Variants in ERN1 observed in about 807,000 individuals in gnomAD.
The protein encoded by ERN1 is endoplasmic reticulum to nucleus signaling 1.
Under a neutral mutation model 113.1 loss-of-function variants are expected in ERN1, and 39 were observed. The observed-to-expected ratio is 0.34, with a 90% CI of 0.27 to 0.45. The LOEUF (loss-of-function observed/expected upper bound fraction) is 0.45. Among genes scored for constraint, ERN1 ranks in the 20% least tolerant of loss-of-function variants. The pLI is 1.00. For synonymous variants in ERN1, 507 were observed against 515.9 expected (o/e 0.98, Z 0.23); for missense variants, 976 against 1,274.8 (o/e 0.77, Z 3.57).
intron 4 of ERN1, among the ~76,000 whole-genome samples, chr17:64,077,936 G>A (rs934544501): frequency 1.2e-4 from 19 of 152,038 alleles, no homozygotes; most frequent in African/African-American, 3.1e-4. Context: ...TAGTAGAGAC[G>A]GGGTTTCACC....
Position 64,066,910 on chromosome 17 carries a change from A to G in ERN1, c.603T>C (p.Asn201=), listed in dbSNP as rs1232406950. The G allele has an allele frequency of 3.1e-6, 5 of 1,613,890 alleles. No homozygotes were observed. The highest frequency in any genetic ancestry group is 4.2e-6 in the Non-Finnish European group (5 of 1,179,868). The stretch of plus-strand genomic sequence containing the variant: ...CCACAGTCACCACCAGCCCATCACC[A>G]TTGGACACAAAGTGGGACATCTCTG... ...VDYKMSHFVS[N]GDGLVVTVDS... The change falls in exon 8 of 22, where the codon AAT becomes AAC. Residue 201 remains asparagine, a synonymous_variant. Transcript: ENST00000433197.
chr17:64,084,653 A>AT (rs1343567411), intron 2 of ERN1, among the ~76,000 whole-genome samples: 1 of 152,226 alleles, frequency 6.6e-6, no homozygotes, highest in Admixed American at 6.5e-5. Flanking sequence ...CATAAATCAG[A>AT]TTAAGCTTCT....
At chr17:64,064,196 C>A (rs1322793507) in intron 9 of ERN1, 45 bp from the exon 10 acceptor site, 3 of 1,531,088 alleles carry the variant, frequency 2.0e-6, no homozygotes, top group South Asian at 2.4e-5. Context: ...GGAGGGAGAG[C>A]GGGTCCCACG....
At chr17:64,102,985 GT>G (rs1914427365) in intron 1 of ERN1, 1 of 983,982 alleles carries the variant, frequency 1.0e-6, no homozygotes. Context: ...GGTGGGAAGG[GT>G]AGTGGCAGGC....
In ERN1 at chr17:64,057,866, G is replaced by C. The variant is rs1425097097; in HGVS notation, c.1334C>G (p.Ala445Gly). 1 of 1,613,970 alleles carries C rather than the reference G, an allele frequency of 6.2e-7. No homozygotes were observed. Among genetic ancestry groups the C allele is most frequent in the Non-Finnish European group, 8.5e-7 (1 of 1,179,876 alleles). ...APVDSMLKDM[A>G]TIILSTFLLI... The stretch of plus-strand genomic sequence containing the variant: ...CAGGAAGGTGCTCAGGATGATGGTA[G>C]CCATGTCCTTAAGCATGGAGTCCAC... Residue 445 changes from alanine (A) to glycine (G), a missense_variant, in exon 12 of 22, where the codon GCT (alanine) becomes GGT (glycine). This residue lies in a region of ERN1 where 459 missense variants were observed against 581.2 expected (regional missense o/e 0.79). Coordinates refer to ENST00000433197, the MANE Select transcript of ERN1 (RefSeq NM_001433.5).
chr17:64,120,950 C>T (rs1230286312), intron 1 of ERN1, among the ~76,000 whole-genome samples: 1 of 152,126 alleles, frequency 6.6e-6, no homozygotes, highest in East Asian at 1.9e-4. Context: ...GCTGAGTGCC[C>T]CCTACAGTGG....
In ERN1 at chr17:64,054,496, G is replaced by T; in HGVS notation, c.1764-57C>A. 1 of 1,486,144 alleles carries T rather than the reference G, an allele frequency of 6.7e-7. No homozygotes were observed. Among genetic ancestry groups the T allele is most frequent in the Non-Finnish European group, 9.1e-7 (1 of 1,096,260 alleles). The allele number at this position is 1,486,144 out of a possible 1,614,324, so 92.1% of individuals were successfully genotyped here. On this transcript the variant is annotated intron_variant, in intron 14 of 21. Coordinates refer to ENST00000433197, the MANE Select transcript of ERN1 (RefSeq NM_001433.5). The surrounding 1 kb of genome is among the most constrained non-coding windows in gnomAD (Gnocchi z 4.9). ...GAAGCACGAGTCAGGCTGTGTAAATGAGGTGAGAACCTGGGTCCACAGCAT... is the reference window on the plus strand; with the variant it reads ...GAAGCACGAGTCAGGCTGTGTAAATTAGGTGAGAACCTGGGTCCACAGCAT...
chr17:64,120,720 A>G (rs1306549832), intron 1 of ERN1, among the ~76,000 whole-genome samples: 1 of 152,112 alleles, frequency 6.6e-6, no homozygotes, highest in Non-Finnish European at 1.5e-5. Flanking sequence ...AGCCCACCAA[A>G]AGAACACTAC....
chr17:64,079,343 C>T (rs1913695408), intron 4 of ERN1, among the ~76,000 whole-genome samples: 1 of 152,134 alleles, frequency 6.6e-6, no homozygotes, highest in Non-Finnish European at 1.5e-5. Flanking sequence ...AAACTATATC[C>T]CTCCCTCCTA....
intron 5 of ERN1, among the ~76,000 whole-genome samples, chr17:64,073,098 T>C (rs569297474): frequency 1.3e-5 from 2 of 151,172 alleles, no homozygotes; most frequent in African/African-American, 4.9e-5. Flanking sequence ...CTCAAACTCC[T>C]GGACTCAAGT....
At chr17:64,047,684 G>A (rs989700477) in intron 19 of ERN1, among the ~76,000 whole-genome samples, 174 bp downstream of exon 19, 12 of 152,048 alleles carry the variant, frequency 7.9e-5, no homozygotes, top group Non-Finnish European at 1.3e-4. Context: ...CTGTATATAC[G>A]GTTAGATCCC....
At position 64,040,879 on chromosome 17, in the gene ERN1, C is replaced by G. The variant is rs996226736; in HGVS notation, c.*3109G>C. On this transcript the variant is annotated 3_prime_UTR_variant, in exon 22 of 22. Coordinates refer to ENST00000433197, the MANE Select transcript of ERN1 (RefSeq NM_001433.5). ...ACTGAGATTAGGCCGGGTGCGGTGG[C>G]TCAAGCCTGTAATCCCAGCACTTTG... 1 of 152,272 alleles carries G rather than the reference C, an allele frequency of 6.6e-6. No individual in the cohort carries two copies. The highest frequency in any genetic ancestry group is 1.5e-5 in the Non-Finnish European group (1 of 68,078). The allele number at this position is 152,272 out of a possible 1,614,324, so 9.4% of individuals were successfully genotyped here.
At chr17:64,080,598 T>G in intron 3 of ERN1, 177 bp downstream of exon 3, 1 of 568,414 alleles carries the variant, frequency 1.8e-6, no homozygotes, top group Non-Finnish European at 3.1e-6. Flanking sequence ...CTCAGGAAAC[T>G]GACCACCTCC....
At chr17:64,087,702 T>TA (rs1028773184) in intron 2 of ERN1, among the ~76,000 whole-genome samples, 8 of 150,936 alleles carry the variant, frequency 5.3e-5, no homozygotes, top group Non-Finnish European at 7.4e-5. Context: ...AATGAAAAGT[T>TA]AAAAAAAAAG....
At chr17:64,113,739 A>G (rs950962699) in intron 1 of ERN1, among the ~76,000 whole-genome samples, 6 of 152,038 alleles carry the variant, frequency 3.9e-5, no homozygotes, top group South Asian at 2.1e-4. Flanking sequence ...GCTGGAGTGC[A>G]GTGGCGTGAT....
In ERN1 at chr17:64,068,285, G is replaced by C; in HGVS notation, c.485C>G (p.Thr162Ser). The change falls in exon 7 of 22, where the codon ACC becomes AGC. Residue 162 changes from threonine (T) to serine (S), a missense_variant. Thr to Ser is a moderately conservative substitution (Grantham distance 58). Coordinates refer to ENST00000433197, the MANE Select transcript of ERN1 (RefSeq NM_001433.5). ...GGTTTTGGTGTCGTACATGGTGATG[G>C]TGTATTCTAAAGAACACAGACCAGC... is the stretch of plus-strand genomic sequence containing the variant. ...SLLYLGRTEYTITMYDTKTRE... is the reference protein window; with the variant it reads ...SLLYLGRTEYSITMYDTKTRE... 6.2e-7 allele frequency: 1 copy of C among 1,610,866 alleles called. No individual in the cohort carries two copies.
intron 3 of ERN1, chr17:64,080,430 C>T (rs1598065502): frequency 4.4e-6 from 1 of 229,634 alleles, no homozygotes; most frequent in East Asian, 1.1e-4. Context: ...CCCCAACACA[C>T]ACTCTGTAGT....
rs1438026413 is a variant in ERN1 at position 64,075,201 on chromosome 17, C to T, written c.329G>A (p.Arg110Gln). Residue 110 changes from arginine (R) to glutamine (Q), a missense_variant, in exon 5 of 22, where the codon CGA becomes CAA. Physicochemically the swap from Arg to Gln is conservative, Grantham distance 43. Around this residue, in one of 5 missense-constraint regions of ERN1, gnomAD observed 459 missense variants for 581.2 expected, o/e 0.79. Transcript: ENST00000433197. The stretch of plus-strand genomic sequence containing the variant: ...CATGTAGAGGATTCCATCTGAACTT[C>T]GGCATGGGGATGCCTGCACCAATTC... ...IPELVQASPC[R>Q]SSDGILYMGK... 1.6e-5 allele frequency: 25 copies of T among 1,526,462 alleles called. No individual in the cohort carries two copies. The highest frequency in any genetic ancestry group is 5.2e-5 in the East Asian group (2 of 38,452). 94.6% of individuals were successfully genotyped at this position (1,526,462 alleles called of 1,614,324 possible). A position where few individuals can be genotyped will look rare whatever the true frequency, so the allele number is the denominator to read the frequency against.
intron 11 of ERN1, 25 bp downstream of exon 11, chr17:64,060,444 C>T (rs760994341): frequency 3.4e-6 from 5 of 1,489,788 alleles, no homozygotes; most frequent in Middle Eastern, 1.7e-4. Flanking sequence ...ACCAACAACC[C>T]CCGACTGGTC....
Sources: allele counts gnomAD v4.1 joint callset (sites outside exome capture counted in the v4.1 genomes callset), GRCh38; gene constraint gnomAD v4.1.1; regional missense constraint gnomAD v4.1.1; non-coding constraint Gnocchi (gnomAD v3.1); transcripts MANE v1.5; gene names NCBI Gene and HGNC (gene_info 2026-07-23, HGNC 2026-07-21).